Variants in UBE2Q2 observed in about 807,000 individuals in gnomAD.
UBE2Q2 encodes ubiquitin-conjugating enzyme E2 Q2.
A neutral mutation model predicts 59.9 loss-of-function variants in UBE2Q2; 54 were observed. The ratio of observed to expected loss-of-function variants is 0.90; its 90% CI spans 0.72 to 1.13. UBE2Q2 has a LOEUF of 1.13. Ranked by LOEUF, UBE2Q2 falls within the 50% of genes most tolerant of loss-of-function variation. The pLI, the probability that UBE2Q2 is intolerant of heterozygous loss-of-function variation, is 0.00. For synonymous variants in UBE2Q2, 165 were observed against 155.2 expected (o/e 1.06, Z -0.47); for missense variants, 433 against 441.9 (o/e 0.98, Z 0.18).
chr15:75,870,113 G>T (rs183079699), intron 4 of UBE2Q2, among the ~76,000 whole-genome samples: 32 of 152,248 alleles, frequency 2.1e-4, no homozygotes, highest in African/African-American at 7.7e-4. Context: ...TGTGGTGCAG[G>T]CTGGAGTGCA....
chr15:75,880,870 C>T (rs1321914871), intron 8 of UBE2Q2, among the ~76,000 whole-genome samples: 1 of 152,102 alleles, frequency 6.6e-6, no homozygotes, highest in Non-Finnish European at 1.5e-5. Flanking sequence ...TTCCTTTGTA[C>T]TTACAAAAAA....
At chr15:75,862,828 A>G (rs1364155263) in intron 3 of UBE2Q2, among the ~76,000 whole-genome samples, 24 of 151,148 alleles carry the variant, frequency 1.6e-4, no homozygotes, top group Non-Finnish European at 1.9e-4. Context: ...AAAAAAAAAA[A>G]AAAAAAAAAA....
chr15:75,895,653 T>G (rs1899375998), intron 11 of UBE2Q2, among the ~76,000 whole-genome samples: 1 of 151,874 alleles, frequency 6.6e-6, no homozygotes, highest in Non-Finnish European at 1.5e-5. Flanking sequence ...GGAGACATGC[T>G]CAGTCTCACT....
intron 1 of UBE2Q2, chr15:75,844,204 C>T: frequency 6.8e-7 from 1 of 1,460,032 alleles, no homozygotes; most frequent in Non-Finnish European, 9.0e-7. Context: ...CGGGGCGGGG[C>T]GGGGCGGCGC....
At chr15:75,851,850 A>G (rs930580405) in intron 1 of UBE2Q2, among the ~76,000 whole-genome samples, 2 of 152,146 alleles carry the variant, frequency 1.3e-5, no homozygotes, top group Non-Finnish European at 2.9e-5. Context: ...CAGATGTAGT[A>G]AAATTTTCAC....
intron 1 of UBE2Q2, among the ~76,000 whole-genome samples, chr15:75,847,547 T>C (rs1457851908): frequency 1.3e-5 from 2 of 152,218 alleles, no homozygotes; most frequent in African/African-American, 4.8e-5. Flanking sequence ...AGCCATGATA[T>C]GAAAGATTGC....
chr15:75,890,299 T>C, intron 9 of UBE2Q2, 136 bp from the exon 10 acceptor site: 1 of 643,414 alleles, frequency 1.6e-6, no homozygotes, highest in South Asian at 2.1e-5. Flanking sequence ...CCTGTATCCC[T>C]AACAACTGTT....
At chr15:75,854,310 T>G in intron 1 of UBE2Q2, 76 bp from the exon 2 acceptor site, 4 of 1,107,666 alleles carry the variant, frequency 3.6e-6, no homozygotes, top group Non-Finnish European at 3.9e-6. Context: ...CATCTTGCCG[T>G]TTAGTGGTGT....
At chr15:75,870,015 T>C (rs1016514544) in intron 4 of UBE2Q2, among the ~76,000 whole-genome samples, 7 of 152,198 alleles carry the variant, frequency 4.6e-5, no homozygotes, top group Non-Finnish European at 7.3e-5. Context: ...ATTTGGAAAT[T>C]TTTAATCTAA....
chr15:75,897,080 G>A lies in UBE2Q2; in HGVS notation c.1096+19G>A. 1 of 1,446,546 alleles carries A rather than the reference G, an allele frequency of 6.9e-7. No individual in the cohort carries two copies. Among genetic ancestry groups the A allele is most frequent in the East Asian group, 2.4e-5 (1 of 40,848 alleles). 89.6% of individuals were successfully genotyped at this position (1,446,546 alleles called of 1,614,324 possible). ...AAAAATGGTATGTTTAATTCAATAA[G>A]TGTTTATTGCCATTTAAGAAGTTTT... is the stretch of plus-strand genomic sequence containing the variant. On this transcript the variant is annotated intron_variant, in intron 12 of 12. Coordinates refer to ENST00000267938, the MANE Select transcript of UBE2Q2 (RefSeq NM_173469.4).
At chr15:75,844,520 T>C (rs1299133442) in intron 1 of UBE2Q2, 6 of 1,548,036 alleles carry the variant, frequency 3.9e-6, no homozygotes, top group Admixed American at 2.0e-5. Flanking sequence ...GGCCCCTCCC[T>C]TGTGTGTAAG....
rs146738775 is a variant in UBE2Q2, at chr15:75,859,653, C to T, written c.283-225C>T. Among the ~76,000 whole-genome samples, 590 of 152,288 alleles carry T rather than the reference C, an allele frequency of 3.9e-3. 3 individuals carry two copies. The highest frequency in any genetic ancestry group is 0.013 in the African/African-American group (546 of 41,556). On this transcript the variant is annotated intron_variant, in intron 2 of 12. Coordinates refer to ENST00000267938, the MANE Select transcript of UBE2Q2 (RefSeq NM_173469.4). ...TTCCTCTGCCCTTATTGTTGTCATT[C>T]TGCTAGGTATCAGTTGTAGTGATTA...
At chr15:75,883,991 C>G (rs1442128764) in intron 9 of UBE2Q2, among the ~76,000 whole-genome samples, 2 of 152,162 alleles carry the variant, frequency 1.3e-5, no homozygotes, top group East Asian at 3.8e-4. Context: ...CTAATTGGTA[C>G]TTTTAGGGAT....
intron 9 of UBE2Q2, among the ~76,000 whole-genome samples, chr15:75,888,621 G>A (rs1238754859): frequency 1.3e-5 from 2 of 152,170 alleles, no homozygotes; most frequent in Non-Finnish European, 2.9e-5. Flanking sequence ...TGGAACACTT[G>A]TTGACAAAAT....
Position 75,844,181 on chromosome 15 carries a change from C to G in UBE2Q2, c.180+335C>G, listed in dbSNP as rs753931999. The G allele has an allele frequency of 7.6e-6, 11 of 1,444,246 alleles. No homozygotes were observed. The African/African-American group carries it at 1.6e-4, about 21-fold the overall frequency. The allele number at this position is 1,444,246 out of a possible 1,614,324, so 89.5% of individuals were successfully genotyped here. On this transcript the variant is annotated intron_variant, in intron 1 of 12. Transcript: ENST00000267938. ...CATGGCCGCCCTCAGCCGGCCTGCT[C>G]CCGGGACCGGGGCGGGGCGGGGCGG...
In UBE2Q2 at chr15:75,844,429, G is replaced by C. The variant is rs781100761; in HGVS notation, c.180+583G>C. 13 of 1,551,500 alleles carry C rather than the reference G, an allele frequency of 8.4e-6. 1 individual carries two copies. The African/African-American group carries it at 1.6e-4, about 20-fold the overall frequency. On this transcript the variant is annotated intron_variant, in intron 1 of 12. Transcript: ENST00000267938. ...CTGTTTGAGCGACCCCTCTCCCCCG[G>C]GCCTGGCTGCGCGCTGCTGTGTTCT...
At chr15:75,881,897 C>T (rs910800677) in intron 8 of UBE2Q2, among the ~76,000 whole-genome samples, 7 of 152,090 alleles carry the variant, frequency 4.6e-5, no homozygotes, top group African/African-American at 1.7e-4. Context: ...TTTAGATAAA[C>T]TTAGGTTCAT....
chr15:75,876,267 A>G lies in UBE2Q2; in HGVS notation c.669A>G (p.Lys223=), dbSNP rs754440637. The G allele has an allele frequency of 5.0e-6, 8 of 1,613,000 alleles. No individual in the cohort carries two copies. In the South Asian group the frequency reaches 8.8e-5, roughly 18 times the overall value. The change falls in exon 6 of 13, where the codon AAA becomes AAG. Residue 223 remains lysine (K), a synonymous_variant. Coordinates refer to ENST00000267938, the MANE Select transcript of UBE2Q2 (RefSeq NM_173469.4). ...ACATATACAGATCACAGAGTTATAA[A>G]ACAGGTAAGGATCTCTGGATCCCTG... ...LRDIYRSQSY[K]TGIYSVELIN... is the part of the protein sequence containing the mutation.
chr15:75,866,935 G>A (rs923813344), intron 3 of UBE2Q2, among the ~76,000 whole-genome samples: 3 of 152,142 alleles, frequency 2.0e-5, no homozygotes, highest in African/African-American at 7.2e-5. Flanking sequence ...GTGCTTACTT[G>A]ACTTGGCACT....
Sources: allele counts gnomAD v4.1 joint callset (sites outside exome capture counted in the v4.1 genomes callset), GRCh38; gene constraint gnomAD v4.1.1; transcripts MANE v1.5; gene names NCBI Gene and HGNC (gene_info 2026-07-23, HGNC 2026-07-21).